MAGI2: variants seen among roughly 807,000 people sequenced by gnomAD.
MAGI2 encodes the protein membrane-associated guanylate kinase, WW and PDZ domain-containing protein 2.
A neutral mutation model predicts 133.3 loss-of-function variants in MAGI2; 35 were observed. The observed-to-expected ratio is 0.26, with a 90% CI of 0.20 to 0.35. The LOEUF (loss-of-function observed/expected upper bound fraction) is 0.35. MAGI2 is among the 10% of genes least tolerant of loss of function. The pLI, the probability that MAGI2 is intolerant of heterozygous loss-of-function variation, is 1.00. For missense variants in MAGI2, 1,636 were observed against 1,863.4 expected (o/e 0.88, Z 2.25); for synonymous variants, 729 against 710.6 (o/e 1.03, Z -0.41).
intron 1 of MAGI2, among the ~76,000 whole-genome samples, chr7:79,057,441 T>C (rs796789246): frequency 2.0e-5 from 3 of 152,338 alleles, no homozygotes; most frequent in African/African-American, 7.2e-5. Flanking sequence ...AAATACATTT[T>C]AGAAACTGCC....
At chr7:79,399,079 C>CTT (rs1197197628) in intron 1 of MAGI2, among the ~76,000 whole-genome samples, 2 of 114,612 alleles carry the variant, frequency 1.7e-5, no homozygotes, top group African/African-American at 7.5e-5. Context: ...AGTATTATTT[C>CTT]TTTTTTTTTT....
intron 1 of MAGI2, among the ~76,000 whole-genome samples, chr7:79,408,143 A>G (rs1007311177): frequency 6.6e-6 from 1 of 152,120 alleles, no homozygotes; most frequent in Non-Finnish European, 1.5e-5. Context: ...GCTAAATTTT[A>G]TTACTGCTAA....
intron 3 of MAGI2, among the ~76,000 whole-genome samples, chr7:78,566,574 G>A (rs1389029129): frequency 6.7e-6 from 1 of 150,260 alleles, no homozygotes; most frequent in Non-Finnish European, 1.5e-5. Context: ...AGGTTCAAAT[G>A]GATTTGTCCT....
At chr7:79,014,295 C>T (rs1456568309) in intron 1 of MAGI2, among the ~76,000 whole-genome samples, 3 of 151,942 alleles carry the variant, frequency 2.0e-5, no homozygotes, top group Non-Finnish European at 4.4e-5. Flanking sequence ...TAGAGTTGTT[C>T]CTATAGTTAT....
intron 9 of MAGI2, among the ~76,000 whole-genome samples, chr7:78,308,849 T>C (rs62463915): frequency 0.046 from 6,947 of 152,322 alleles, 228 homozygotes; most frequent in South Asian, 0.12. Context: ...AATTATCAGA[T>C]AGACATAATA....
chr7:78,822,833 T>A (rs1790246677), intron 2 of MAGI2, among the ~76,000 whole-genome samples: 2 of 152,308 alleles, frequency 1.3e-5, no homozygotes, highest in African/African-American at 4.8e-5. Flanking sequence ...GTCAAATAAG[T>A]TATGAGTATA....
intron 2 of MAGI2, among the ~76,000 whole-genome samples, chr7:78,724,217 GACATT>G (rs2151206873): frequency 6.6e-6 from 1 of 152,242 alleles, no homozygotes; most frequent in East Asian, 1.9e-4. Flanking sequence ...AGAGGATATA[GACATT>G]ACATTGCCTG....
At chr7:78,532,510 T>G (rs1797553932) in intron 3 of MAGI2, among the ~76,000 whole-genome samples, 1 of 152,188 alleles carries the variant, frequency 6.6e-6, no homozygotes, top group Non-Finnish European at 1.5e-5. Context: ...ATATCTCCCA[T>G]AGGATGTAGA....
intron 9 of MAGI2, among the ~76,000 whole-genome samples, chr7:78,284,239 A>C (rs190743723): frequency 6.6e-6 from 1 of 152,244 alleles, no homozygotes; most frequent in East Asian, 1.9e-4. Context: ...TTTTTTAAGA[A>C]CCAGTTTCTA....
chr7:78,508,789 G>A (rs1795318897), intron 4 of MAGI2, among the ~76,000 whole-genome samples: 1 of 152,128 alleles, frequency 6.6e-6, no homozygotes, highest in Admixed American at 6.5e-5. Context: ...ATAGTGGCGT[G>A]AAGCTATATT....
chr7:78,443,174 A>G (rs376912504), intron 6 of MAGI2, among the ~76,000 whole-genome samples: 15 of 152,260 alleles, frequency 9.9e-5, no homozygotes, highest in African/African-American at 2.9e-4. Context: ...TAGCTTAATC[A>G]CTTGAGCTCT....
intron 9 of MAGI2, among the ~76,000 whole-genome samples, chr7:78,311,833 C>T (rs798288): frequency 0.51 from 77,252 of 150,946 alleles, 20,305 homozygotes; most frequent in Middle Eastern, 0.59. Context: ...TGCAGTGGCA[C>T]GATCTAGGCT....
intron 21 of MAGI2, among the ~76,000 whole-genome samples, chr7:78,043,635 C>T (rs1448583287): frequency 2.0e-5 from 3 of 152,092 alleles, no homozygotes; most frequent in South Asian, 2.1e-4. Context: ...ATGAGTCGAG[C>T]GAGTCAAAGA....
chr7:79,453,667 TGGTGGGGGTGG>T, upstream of MAGI2: 1 of 188,668 alleles, frequency 5.3e-6, no homozygotes, highest in Non-Finnish European at 8.4e-6. Flanking sequence ...TGAGCGGGTG[TGGTGGGGGTGG>T]GGAAGGAGGG....
intron 16 of MAGI2, among the ~76,000 whole-genome samples, chr7:78,146,998 T>C (rs1300640336): frequency 2.6e-5 from 4 of 152,192 alleles, no homozygotes; most frequent in Admixed American, 1.3e-4. Flanking sequence ...ATTTTCTTAA[T>C]ATAAATGGAA....
At chr7:79,111,918 C>T (rs1310630139) in intron 1 of MAGI2, among the ~76,000 whole-genome samples, 4 of 152,132 alleles carry the variant, frequency 2.6e-5, no homozygotes, top group East Asian at 1.9e-4. Flanking sequence ...CCGCCCCTCT[C>T]GGCCTCCGAA....
In MAGI2 at chr7:78,932,347, G is replaced by A. The variant is rs2193712; in HGVS notation, c.418+74743C>T. Among the ~76,000 whole-genome samples the A allele has an allele frequency of 4.2e-3, 638 of 152,166 alleles. 19 individuals are homozygous for A. Among genetic ancestry groups the A allele is most frequent in the Admixed American group, 0.038 (576 of 15,260 alleles). On this transcript the variant is annotated intron_variant, in intron 2 of 21. Coordinates refer to ENST00000354212, the MANE Select transcript of MAGI2 (RefSeq NM_012301.4). ...GAGGAAGCACTTATATTTTTCTATA[G>A]CACAGGAATTCAAGTTGTTGGAGAA...
intron 1 of MAGI2, among the ~76,000 whole-genome samples, chr7:79,150,791 G>T (rs1823142136): frequency 6.6e-6 from 1 of 151,614 alleles, no homozygotes; most frequent in South Asian, 2.1e-4. Flanking sequence ...TTTTCAATGA[G>T]AAGACTACAG....
intron 6 of MAGI2, among the ~76,000 whole-genome samples, chr7:78,436,909 T>C (rs1185952566): frequency 1.3e-5 from 2 of 152,100 alleles, no homozygotes; most frequent in Non-Finnish European, 2.9e-5. Context: ...TGCAGGGGGA[T>C]GGAAATGGCA....
Sources: gnomAD v4.1 joint callset for allele counts (sites outside exome capture counted in the v4.1 genomes callset) on GRCh38, gnomAD v4.1.1 for gene constraint, MANE v1.5 for transcripts, NCBI Gene and HGNC (gene_info 2026-07-23, HGNC 2026-07-21) for gene names.